The following LCLAT1 variants were observed in gnomAD, a reference collection of about 807,000 sequenced individuals.
LCLAT1 encodes lysocardiolipin acyltransferase 1.
Under a neutral mutation model 30.7 loss-of-function variants are expected in LCLAT1, and 11 were observed. That is an observed-to-expected ratio of 0.36 (90% CI 0.23 to 0.59). The LOEUF (loss-of-function observed/expected upper bound fraction) is 0.59, where lower values mean the gene tolerates loss of function less well. Ranked by LOEUF, LCLAT1 falls within the 20% of genes least tolerant of loss-of-function variation. The probability of loss-of-function intolerance (pLI) is 0.77; values close to 1 mark genes in which losing one functional copy is unlikely to be tolerated. For missense variants in LCLAT1, 402 were observed against 458.6 expected, an observed-to-expected ratio of 0.88 and a Z score of 1.13; for synonymous variants, 155 against 151.3, an observed-to-expected ratio of 1.02 and a Z score of -0.18.
chr2:30,629,146 A>AT (rs1411323408), intron 5 of LCLAT1, among the ~76,000 whole-genome samples: 3 of 152,242 alleles, frequency 2.0e-5, no homozygotes, highest in Admixed American at 1.3e-4. Context: ...TGTAGAAAAC[A>AT]TTTACTCTAT....
At chr2:30,561,678 T>A (rs1665231587) in intron 3 of LCLAT1, among the ~76,000 whole-genome samples, 1 of 152,182 alleles carries the variant, frequency 6.6e-6, no homozygotes, top group Non-Finnish European at 1.5e-5. Flanking sequence ...GCAGTTGGAT[T>A]TAGAGACTTG....
intron 4 of LCLAT1, among the ~76,000 whole-genome samples, chr2:30,566,913 T>C (rs1665510650): frequency 6.6e-6 from 1 of 152,244 alleles, no homozygotes; most frequent in Admixed American, 6.5e-5. Context: ...TGTTCAGATA[T>C]TTGTACATGA....
intron 5 of LCLAT1, among the ~76,000 whole-genome samples, chr2:30,582,990 C>G (rs528949143): frequency 6.6e-6 from 1 of 152,292 alleles, no homozygotes; most frequent in African/African-American, 2.4e-5. Context: ...TTTAATAATT[C>G]AGATCTTTGT....
At chr2:30,636,049 A>G (rs1171438490) in intron 5 of LCLAT1, among the ~76,000 whole-genome samples, 1 of 152,192 alleles carries the variant, frequency 6.6e-6, no homozygotes, top group Non-Finnish European at 1.5e-5. Flanking sequence ...TGCTTTAAGC[A>G]TTCACAGGGG....
At chr2:30,601,340 G>A (rs1667172763) in intron 5 of LCLAT1, among the ~76,000 whole-genome samples, 1 of 152,036 alleles carries the variant, frequency 6.6e-6, no homozygotes, top group African/African-American at 2.4e-5. Context: ...CTGAATTTTG[G>A]GATTCTAAAT....
chr2:30,463,244 A>G (rs1009731419), intron 1 of LCLAT1, among the ~76,000 whole-genome samples: 1 of 152,222 alleles, frequency 6.6e-6, no homozygotes, highest in East Asian at 1.9e-4. Flanking sequence ...ACTTTTATTT[A>G]TGTCATTACC....
At chr2:30,599,943 G>T (rs2593436) in intron 5 of LCLAT1, among the ~76,000 whole-genome samples, 617 of 152,138 alleles carry the variant, frequency 4.1e-3, no homozygotes, top group African/African-American at 0.014. Context: ...GTTTGAATTC[G>T]ACCCTGTCAT....
intron 4 of LCLAT1, among the ~76,000 whole-genome samples, chr2:30,567,024 G>A (rs907508997): frequency 6.6e-6 from 1 of 152,154 alleles, no homozygotes; most frequent in East Asian, 1.9e-4. Context: ...CACATTGAAG[G>A]CCTAAATTAT....
chr2:30,452,812 G>A (rs1681625518), intron 1 of LCLAT1, among the ~76,000 whole-genome samples: 1 of 152,064 alleles, frequency 6.6e-6, no homozygotes, highest in South Asian at 2.1e-4. Flanking sequence ...GTTTCCTGTG[G>A]CTGTGAGGTA....
At position 30,515,377 on chromosome 2, in the gene LCLAT1, A is replaced by T. The variant is rs1196534547; in HGVS notation, c.-4-10210A>T. On this transcript the variant is annotated intron_variant, in intron 1 of 5. Coordinates refer to ENST00000379509, the MANE Select transcript of LCLAT1 (RefSeq NM_001002257.3). ...GCTAGTTGCTAACACTTGACTTGTT[A>T]TGTGAATAAAATAACTAAGGAGATT... Among the ~76,000 whole-genome samples, 4 of 152,350 alleles carry T rather than the reference A, an allele frequency of 2.6e-5. No homozygotes were observed. In the South Asian group the frequency reaches 6.2e-4, roughly 24 times the overall value.
chr2:30,588,567 T>C (rs1039953825), intron 5 of LCLAT1, among the ~76,000 whole-genome samples: 4 of 152,118 alleles, frequency 2.6e-5, no homozygotes, highest in African/African-American at 7.2e-5. Context: ...TTGTTTTTGT[T>C]ATTTTTGTTG....
chr2:30,507,206 G>A (rs1398015004), intron 1 of LCLAT1, among the ~76,000 whole-genome samples: 1 of 145,862 alleles, frequency 6.9e-6, no homozygotes, highest in East Asian at 2.3e-4. Context: ...TTATAAAGTT[G>A]TCTGATATAT....
intron 5 of LCLAT1, among the ~76,000 whole-genome samples, chr2:30,572,063 C>T (rs200912605): frequency 6.6e-5 from 10 of 152,156 alleles, no homozygotes; most frequent in East Asian, 1.9e-4. Flanking sequence ...TATGCATGAC[C>T]GCATGTCAGA....
At chr2:30,548,703 G>A (rs890370771) in intron 3 of LCLAT1, among the ~76,000 whole-genome samples, 15 of 151,970 alleles carry the variant, frequency 9.9e-5, no homozygotes, top group East Asian at 1.9e-4. Context: ...AGGGATAAGG[G>A]GATTATCTAT....
intron 3 of LCLAT1, among the ~76,000 whole-genome samples, chr2:30,555,065 A>G (rs900227821): frequency 3.9e-5 from 6 of 152,180 alleles, no homozygotes; most frequent in African/African-American, 1.4e-4. Context: ...ATGAATTTCT[A>G]TAAAACTATG....
At chr2:30,546,898 A>G (rs1006318499) in intron 3 of LCLAT1, among the ~76,000 whole-genome samples, 2 of 152,062 alleles carry the variant, frequency 1.3e-5, no homozygotes, top group African/African-American at 4.8e-5. Flanking sequence ...TCCTGCTCAT[A>G]ACAAGAATAA....
chr2:30,612,822 T>A (rs1249590464), intron 5 of LCLAT1, among the ~76,000 whole-genome samples: 1 of 152,152 alleles, frequency 6.6e-6, no homozygotes, highest in East Asian at 1.9e-4. Context: ...AGACAGAAGC[T>A]CAGCTCAGTT....
chr2:30,493,160 C>G (rs1025944169), intron 1 of LCLAT1, among the ~76,000 whole-genome samples: 2 of 152,122 alleles, frequency 1.3e-5, no homozygotes, highest in Non-Finnish European at 2.9e-5. Context: ...AATTTTGTCT[C>G]CCTCCCTCCT....
At chr2:30,614,510 C>CA (rs1667898436) in intron 5 of LCLAT1, among the ~76,000 whole-genome samples, 1 of 152,074 alleles carries the variant, frequency 6.6e-6, no homozygotes, top group Non-Finnish European at 1.5e-5. Flanking sequence ...AGTGTGACTG[C>CA]AAGGTTCTTG....
Sources: allele counts gnomAD v4.1 joint callset (sites outside exome capture counted in the v4.1 genomes callset), GRCh38; gene constraint gnomAD v4.1.1; transcripts MANE v1.5; gene names NCBI Gene and HGNC (gene_info 2026-07-23, HGNC 2026-07-21).